CNBD1: variants seen among roughly 807,000 people sequenced by gnomAD.
CNBD1 encodes the protein cyclic nucleotide binding domain containing 1.
Under a neutral mutation model 54.4 loss-of-function variants are expected in CNBD1, and 71 were observed. The ratio of observed to expected loss-of-function variants is 1.30; its 90% CI spans 1.08 to 1.59. CNBD1 has a LOEUF of 1.59. CNBD1 is among the 40% of genes most tolerant of loss of function. The pLI is 0.00. For synonymous variants in CNBD1, 182 were observed against 170.7 expected (o/e 1.07, Z -0.51); for missense variants, 659 against 518.0 (o/e 1.27, Z -2.64).
At chr8:87,059,134 A>G (rs1307486051) in intron 4 of CNBD1, among the ~76,000 whole-genome samples, 1 of 152,126 alleles carries the variant, frequency 6.6e-6, no homozygotes, top group Non-Finnish European at 1.5e-5. Flanking sequence ...CAAGTTTCTC[A>G]TCTCCATCTG....
At chr8:87,202,828 G>A (rs2130794931) in intron 4 of CNBD1, among the ~76,000 whole-genome samples, 1 of 152,264 alleles carries the variant, frequency 6.6e-6, no homozygotes, top group South Asian at 2.1e-4. Context: ...TGAGAGCATG[G>A]CTGGCCAGGA....
At chr8:87,358,969 G>A (rs545093139) in intron 10 of CNBD1, among the ~76,000 whole-genome samples, 3 of 152,184 alleles carry the variant, frequency 2.0e-5, no homozygotes, top group African/African-American at 7.2e-5. Context: ...CATTGGTGTT[G>A]GTGGATTTTC....
rs73693027 is a variant in CNBD1 at position 87,100,323 on chromosome 8, G to A, written c.432-105670G>A. 5.4e-3 allele frequency among the ~76,000 whole-genome samples: 828 copies of A among 152,118 alleles called. 9 individuals are homozygous for A. Among genetic ancestry groups the A allele is most frequent in the African/African-American group, 0.019 (779 of 41,502 alleles). On this transcript the variant is annotated intron_variant, in intron 4 of 10. Coordinates refer to ENST00000518476, the MANE Select transcript of CNBD1 (RefSeq NM_173538.3). ...AATATTTTAAAAGAAAATATTTGACGAAACTGAATAATGACCAGAAACAGG... is the reference window on the plus strand; with the variant it reads ...AATATTTTAAAAGAAAATATTTGACAAAACTGAATAATGACCAGAAACAGG...
At position 87,285,975 on chromosome 8, in the gene CNBD1, A is replaced by C. The variant is rs150256854; in HGVS notation, c.910-564A>C. 7.2e-5 allele frequency among the ~76,000 whole-genome samples: 11 copies of C among 152,312 alleles called. No homozygotes were observed. In the East Asian group the frequency reaches 2.1e-3, roughly 29 times the overall value. ...TTAAGCCAGGTGCAGGTCCTGCAGA[A>C]AGCTGGCATAAGCCATGGTTCAGTG... On this transcript the variant is annotated intron_variant, in intron 7 of 10. Coordinates refer to ENST00000518476, the MANE Select transcript of CNBD1 (RefSeq NM_173538.3).
chr8:87,351,148 T>C (rs1284371640), intron 8 of CNBD1, among the ~76,000 whole-genome samples: 1 of 152,212 alleles, frequency 6.6e-6, no homozygotes, highest in Non-Finnish European at 1.5e-5. Flanking sequence ...TTATGTCATT[T>C]ATCTAAGGTG....
At chr8:87,071,375 A>T (rs916110208) in intron 4 of CNBD1, among the ~76,000 whole-genome samples, 1 of 152,130 alleles carries the variant, frequency 6.6e-6, no homozygotes, top group Non-Finnish European at 1.5e-5. Flanking sequence ...AGAATCCTTA[A>T]CAAAACTCTT....
chr8:87,256,643 C>G (rs1229898200), intron 6 of CNBD1, among the ~76,000 whole-genome samples: 1 of 123,298 alleles, frequency 8.1e-6, no homozygotes, highest in East Asian at 2.2e-4. Context: ...CTCCCCATAT[C>G]TAAAGATCAG....
downstream of CNBD1, among the ~76,000 whole-genome samples, chr8:87,384,867 G>A (rs1463587609): frequency 6.6e-6 from 1 of 152,160 alleles, no homozygotes; most frequent in East Asian, 1.9e-4. Context: ...TAAGTTAGAT[G>A]TAGTTGAAAT....
intron 2 of CNBD1, among the ~76,000 whole-genome samples, chr8:86,889,415 G>GC (rs1808731615): frequency 6.6e-6 from 1 of 152,030 alleles, no homozygotes; most frequent in African/African-American, 2.4e-5. Context: ...GGCAATTTAG[G>GC]AAAAATGTAT....
At chr8:87,337,818 A>G (rs1809979181) in intron 8 of CNBD1, among the ~76,000 whole-genome samples, 1 of 152,164 alleles carries the variant, frequency 6.6e-6, no homozygotes, top group Admixed American at 6.5e-5. Context: ...CTAATGACAG[A>G]ACCTGAATAC....
chr8:87,082,374 C>T (rs576621521), intron 4 of CNBD1, among the ~76,000 whole-genome samples: 43 of 152,276 alleles, frequency 2.8e-4, no homozygotes, highest in African/African-American at 9.9e-4. Flanking sequence ...CCACTTGCAC[C>T]CAAGTGAAAT....
chr8:86,913,302 A>G (rs1353839937), intron 3 of CNBD1, among the ~76,000 whole-genome samples: 1 of 152,154 alleles, frequency 6.6e-6, no homozygotes, highest in Non-Finnish European at 1.5e-5. Context: ...TTACAGATAT[A>G]CCATTTTACA....
intron 10 of CNBD1, among the ~76,000 whole-genome samples, chr8:87,364,706 C>T (rs1335807873): frequency 6.6e-6 from 1 of 151,896 alleles, no homozygotes; most frequent in East Asian, 1.9e-4. Flanking sequence ...CATGTGTTCT[C>T]ATCATTTAGC....
At chr8:87,266,698 T>A (rs536134347) in intron 6 of CNBD1, among the ~76,000 whole-genome samples, 2 of 151,986 alleles carry the variant, frequency 1.3e-5, no homozygotes, top group East Asian at 3.9e-4. Flanking sequence ...GTGATCTGCC[T>A]ACCTCGGTCT....
chr8:87,085,850 T>A (rs1295185659), intron 4 of CNBD1, among the ~76,000 whole-genome samples: 1 of 152,182 alleles, frequency 6.6e-6, no homozygotes, highest in Admixed American at 6.5e-5. Flanking sequence ...TCAGAGATGG[T>A]ACTTTCTCAG....
rs1307142765 is a variant in CNBD1, at chr8:87,325,688, C to G, written c.1043-25997C>G. ...TTCCTCCATCCTTTTATTTTGAGCC[C>G]ATGTGTGTCTCTGCATGTGAGATGG... On this transcript the variant is annotated intron_variant, in intron 8 of 10. Transcript: ENST00000518476. Among the ~76,000 whole-genome samples the G allele has an allele frequency of 1.8e-3, 255 of 141,240 alleles. 2 individuals carry two copies. The highest frequency in any genetic ancestry group is 6.5e-3 in the African/African-American group (237 of 36,440). The allele number at this position is 141,240 out of a possible 152,430, so 92.7% of individuals were successfully genotyped here.
At chr8:87,025,921 GGAAAGGGAAATAGTTCAA>G (rs1389764049) in intron 4 of CNBD1, among the ~76,000 whole-genome samples, 7 of 152,168 alleles carry the variant, frequency 4.6e-5, no homozygotes, top group African/African-American at 1.2e-4. Flanking sequence ...TGAGGATGGA[GGAAAGGGAAATAGTTCAA>G]CTCTGTGAGC....
At chr8:87,092,784 G>A (rs1811243826) in intron 4 of CNBD1, among the ~76,000 whole-genome samples, 1 of 151,884 alleles carries the variant, frequency 6.6e-6, no homozygotes. Context: ...GATTTGTAAC[G>A]CCAGCTGGTA....
At chr8:86,892,659 A>G (rs941274224) in intron 2 of CNBD1, among the ~76,000 whole-genome samples, 1 of 152,136 alleles carries the variant, frequency 6.6e-6, no homozygotes, top group Non-Finnish European at 1.5e-5. Flanking sequence ...TTGTTTCAGT[A>G]CATTTAATTA....
Sources: gnomAD v4.1 joint callset for allele counts (sites outside exome capture counted in the v4.1 genomes callset) on GRCh38, gnomAD v4.1.1 for gene constraint, MANE v1.5 for transcripts, NCBI Gene and HGNC (gene_info 2026-07-23, HGNC 2026-07-21) for gene names.